Variants in ZZEF1 observed in about 807,000 individuals in gnomAD.
ZZEF1 encodes zinc finger ZZ-type and EF-hand domain-containing protein 1.
ZZEF1 carries 157 observed loss-of-function variants against 342.8 expected under a neutral mutation model. The ratio of observed to expected loss-of-function variants is 0.46; its 90% CI spans 0.40 to 0.52. The LOEUF (loss-of-function observed/expected upper bound fraction) is 0.52, where lower values mean the gene tolerates loss of function less well. Ranked by LOEUF, ZZEF1 falls within the 20% of genes least tolerant of loss-of-function variation. The probability of loss-of-function intolerance (pLI) is 0.00; values close to 1 mark genes in which losing one functional copy is unlikely to be tolerated. For missense variants in ZZEF1, 3,480 were observed against 3,725.6 expected (o/e 0.93, Z 1.72); for synonymous variants, 1,505 against 1,429.1 (o/e 1.05, Z -1.20).
intron 36 of ZZEF1, 132 bp downstream of exon 36, chr17:4,050,649 C>G (rs2057024002): frequency 7.6e-7 from 1 of 1,309,510 alleles, no homozygotes; most frequent in Non-Finnish European, 1.0e-6. Flanking sequence ...AAGTTCCACA[C>G]CAGGGTAAGC....
At position 4,067,519 on chromosome 17, in the gene ZZEF1, A is replaced by C. The variant is rs537645324; in HGVS notation, c.4076-277T>G. 9.4e-4 allele frequency among the ~76,000 whole-genome samples: 143 copies of C among 152,334 alleles called. 1 individual carries two copies. The highest frequency in any genetic ancestry group is 1.9e-3 in the Non-Finnish European group (126 of 68,016). ...GTGTAAAATATTAAAAGATATAAAA[A>C]TACTAAAAGTAAAAATTTTAGAATA... is the stretch of plus-strand genomic sequence containing the variant. On this transcript the variant is annotated intron_variant, in intron 26 of 54. Coordinates refer to ENST00000381638, the MANE Select transcript of ZZEF1 (RefSeq NM_015113.4).
At chr17:4,121,087 G>A (rs1390749136) in intron 2 of ZZEF1, among the ~76,000 whole-genome samples, 2 of 152,186 alleles carry the variant, frequency 1.3e-5, no homozygotes, top group African/African-American at 4.8e-5. Flanking sequence ...CCTAAGTCAT[G>A]AGCCTGCTAT....
At chr17:4,123,858 T>C (rs7214284) in intron 2 of ZZEF1, 49 bp downstream of exon 2, 218,315 of 1,593,996 alleles carry the variant, frequency 0.14, 15,997 homozygotes, top group African/African-American at 0.23. Context: ...ATCAGTAGTA[T>C]AGCAAAGTTC....
At chr17:4,059,376 G>T in intron 30 of ZZEF1, 86 bp from the exon 31 acceptor site, 1 of 1,513,154 alleles carries the variant, frequency 6.6e-7, no homozygotes. Flanking sequence ...ATGAAAAAGA[G>T]CAAGTGGCAG....
intron 42 of ZZEF1, among the ~76,000 whole-genome samples, chr17:4,027,136 CTCTT>C (rs925294883): frequency 2.6e-5 from 4 of 152,086 alleles, no homozygotes; most frequent in Non-Finnish European, 4.4e-5. Context: ...ATCTCTCTCT[CTCTT>C]GTTTTTTAGG....
At chr17:4,101,312 C>A (rs1357301666) in intron 9 of ZZEF1, among the ~76,000 whole-genome samples, 6 of 151,592 alleles carry the variant, frequency 4.0e-5, no homozygotes, top group Admixed American at 3.9e-4. Flanking sequence ...AGAGGAAAGC[C>A]GAGGAGAACC....
rs756918999 is a variant in ZZEF1, at chr17:4,112,714, C to T, written c.961G>A (p.Val321Ile). The T allele has an allele frequency of 6.2e-7, 1 of 1,614,160 alleles. No homozygotes were observed. Among genetic ancestry groups the T allele is most frequent in the Non-Finnish European group, 8.5e-7 (1 of 1,179,980 alleles). The change falls in exon 5 of 55, where the codon GTA becomes ATA. Residue 321 changes from valine to isoleucine, a missense_variant. This residue lies in a region of ZZEF1 where 92 missense variants were observed against 130.3 expected (regional missense o/e 0.71). Transcript: ENST00000381638. ...SYMPQQVTVAVGRNASDLQEV... is the reference protein window; with the variant it reads ...SYMPQQVTVAIGRNASDLQEV... ...TGAAGATCGCTGGCATTCCTCCCTA[C>T]AGCTACTGTCACCTGCTGTGGCATG... is the stretch of plus-strand genomic sequence containing the variant.
chr17:4,115,244 G>C (rs2058376060), intron 3 of ZZEF1, among the ~76,000 whole-genome samples: 1 of 152,140 alleles, frequency 6.6e-6, no homozygotes, highest in Non-Finnish European at 1.5e-5. Context: ...CCAGGCTGGT[G>C]TCAAACTCCT....
rs1292535351 is a variant in ZZEF1, at chr17:4,005,011, G to T, written c.*1879C>A. The T allele has an allele frequency of 6.6e-6, 1 of 152,338 alleles. No homozygotes were observed. The highest frequency in any genetic ancestry group is 6.5e-5 in the Admixed American group (1 of 15,284). 9.4% of individuals were successfully genotyped at this position (152,338 alleles called of 1,614,324 possible). On this transcript the variant is annotated 3_prime_UTR_variant, in exon 55 of 55. Transcript: ENST00000381638. ...TACAGCGGCGGCCACTGCCATAGGGGAGGTGACTCCGGCCCTACCGCCCGC... is the reference window on the plus strand; with the variant it reads ...TACAGCGGCGGCCACTGCCATAGGGTAGGTGACTCCGGCCCTACCGCCCGC...
intron 5 of ZZEF1, among the ~76,000 whole-genome samples, chr17:4,110,566 C>T (rs921400507): frequency 3.9e-5 from 6 of 152,110 alleles, no homozygotes; most frequent in African/African-American, 2.4e-5. Flanking sequence ...TGAAGCATTC[C>T]GGCTCCCTGA....
intron 1 of ZZEF1, among the ~76,000 whole-genome samples, chr17:4,139,914 C>T (rs553200486): frequency 1.3e-5 from 2 of 152,230 alleles, no homozygotes; most frequent in Non-Finnish European, 1.5e-5. Flanking sequence ...CAGGTAACTG[C>T]GGCCATGTGA....
chr17:4,123,376 C>A (rs867115040), intron 2 of ZZEF1, among the ~76,000 whole-genome samples: 80 of 144,236 alleles, frequency 5.5e-4, no homozygotes, highest in African/African-American at 2.0e-3. Context: ...ACTGGGGGTG[C>A]TGGAACATCT....
At chr17:4,098,849 G>A (rs950516535) in intron 9 of ZZEF1, among the ~76,000 whole-genome samples, 2 of 152,070 alleles carry the variant, frequency 1.3e-5, no homozygotes, top group African/African-American at 4.8e-5. Flanking sequence ...AATTCTATAG[G>A]CAATTTTAAG....
At position 4,062,736 on chromosome 17, in the gene ZZEF1, C is replaced by T. The variant is rs369429236; in HGVS notation, c.4883+17G>A. On this transcript the variant is annotated intron_variant, in intron 30 of 54. Transcript: ENST00000381638. ...GATCTTTGCTGTTTTCCTTCTGGAC[C>T]TGTCCTTTGTACTTACTTGGTAAAA... 9.3e-4 allele frequency: 1,478 copies of T among 1,582,640 alleles called. 28 individuals are homozygous for T. The South Asian group carries it at 0.016, about 17-fold the overall frequency.
chr17:4,088,957 GA>G, intron 12 of ZZEF1, 64 bp from the exon 13 acceptor site: 6 of 1,512,950 alleles, frequency 4.0e-6, no homozygotes, highest in Non-Finnish European at 4.5e-6. Flanking sequence ...ATTAAAGAGG[GA>G]AAAAGGCCTT....
intron 43 of ZZEF1, among the ~76,000 whole-genome samples, chr17:4,024,190 T>TTTG (rs1284317652): frequency 2.4e-5 from 3 of 125,250 alleles, no homozygotes; most frequent in African/African-American, 1.1e-4. Flanking sequence ...GCCCAGGTTT[T>TTTG]TTTTTTTTTT....
Position 4,034,151 on chromosome 17 carries a change from C to T in ZZEF1, c.6448G>A (p.Ala2150Thr). The change falls in exon 40 of 55, where the codon GCA (alanine) becomes ACA (threonine). Residue 2150 changes from alanine (A) to threonine (T), a missense_variant. Around this residue, in one of 5 missense-constraint regions of ZZEF1, gnomAD observed 1,269 missense variants for 1,342.4 expected, o/e 0.95. Transcript: ENST00000381638. ...LGQLIIRLLP[A>T]EVDAAVIKVL... ...TTGATCACTGCGGCGTCTACCTCTG[C>T]TGGCAAAAGACGGATAATTAACTGG... is the stretch of plus-strand genomic sequence containing the variant. The T allele has an allele frequency of 6.2e-7, 1 of 1,614,144 alleles. No homozygotes were observed. The highest frequency in any genetic ancestry group is 8.5e-7 in the Non-Finnish European group (1 of 1,180,028).
At chr17:4,040,059 G>T (rs2056770409) in intron 39 of ZZEF1, among the ~76,000 whole-genome samples, 1 of 151,984 alleles carries the variant, frequency 6.6e-6, no homozygotes, top group South Asian at 2.1e-4. Context: ...AAATATTTAG[G>T]CAAAAAAAAT....
chr17:4,142,789 C>G lies in ZZEF1; in HGVS notation c.107G>C (p.Gly36Ala). The change falls in exon 1 of 55, where the codon GGC becomes GCC. Residue 36 changes from glycine to alanine, a missense_variant. Gly to Ala is a moderately conservative substitution (Grantham distance 60). Around this residue, in one of 5 missense-constraint regions of ZZEF1, gnomAD observed 416 missense variants for 374.2 expected, o/e 1.11. Transcript: ENST00000381638. The stretch of plus-strand genomic sequence containing the variant: ...TAGCGCTGGAGCCGCGACGCCCGGG[C>G]CGGGGGTCGTGCCCGAGACCGCGGC... The part of the protein sequence containing the change: ...DWAAVSGTTP[G>A]PGVAAPALPP... The G allele has an allele frequency of 7.1e-7, 1 of 1,416,322 alleles. No individual in the cohort carries two copies. The highest frequency in any genetic ancestry group is 9.1e-7 in the Non-Finnish European group (1 of 1,097,062). 87.7% of individuals were successfully genotyped at this position (1,416,322 alleles called of 1,614,324 possible).
Sources: allele counts gnomAD v4.1 joint callset (sites outside exome capture counted in the v4.1 genomes callset), GRCh38; gene constraint gnomAD v4.1.1; regional missense constraint gnomAD v4.1.1; transcripts MANE v1.5; gene names NCBI Gene and HGNC (gene_info 2026-07-23, HGNC 2026-07-21).